Variants in USP12 observed in about 807,000 individuals in gnomAD.
The protein encoded by USP12 is ubiquitin specific peptidase 12.
Under a neutral mutation model 45.5 loss-of-function variants are expected in USP12, and 19 were observed. The ratio of observed to expected loss-of-function variants is 0.42; its 90% confidence interval spans 0.29 to 0.61. USP12 has a LOEUF of 0.61. Among genes scored for constraint, USP12 ranks in the 20% least tolerant of loss-of-function variants. The probability of loss-of-function intolerance (pLI) is 0.22; values close to 1 mark genes in which losing one functional copy is unlikely to be tolerated. For missense variants in USP12, 242 were observed against 447.7 expected (o/e 0.54, Z 4.15); for synonymous variants, 149 against 148.8 (o/e 1.00, Z -0.01).
chr13:27,126,825 G>A (rs938273590), intron 1 of USP12, among the ~76,000 whole-genome samples: 2 of 152,094 alleles, frequency 1.3e-5, no homozygotes, highest in African/African-American at 4.8e-5. Context: ...CTGCAAAAAA[G>A]GGCAAACAAG....
intron 1 of USP12, among the ~76,000 whole-genome samples, chr13:27,162,175 G>A (rs971586339): frequency 1.3e-5 from 2 of 152,248 alleles, no homozygotes; most frequent in South Asian, 2.1e-4. Context: ...TACAAAGGAC[G>A]TTCACATGTG....
intron 1 of USP12, among the ~76,000 whole-genome samples, chr13:27,123,745 T>C (rs1284223556): frequency 6.6e-6 from 1 of 152,214 alleles, no homozygotes; most frequent in East Asian, 1.9e-4. Context: ...CACTATGATT[T>C]TGAGGCCTCC....
Position 27,091,799 on chromosome 13 carries a change from T to G in USP12, c.574-1641A>C, listed in dbSNP as rs551959597. 1.6e-4 allele frequency among the ~76,000 whole-genome samples: 24 copies of G among 152,284 alleles called. 1 individual carries two copies. The South Asian group carries it at 4.4e-3, about 28-fold the overall frequency. The stretch of plus-strand genomic sequence containing the variant: ...GAATGAGACTGAAAAGGAACCCTCA[T>G]AGAGAACACCAGAAAAGGGTGTTAT... On this transcript the variant is annotated intron_variant, in intron 4 of 8. Coordinates refer to ENST00000282344, the MANE Select transcript of USP12 (RefSeq NM_182488.4).
chr13:27,086,179 A>C (rs1319901339), intron 6 of USP12, among the ~76,000 whole-genome samples: 2 of 28,966 alleles, frequency 6.9e-5, no homozygotes, highest in African/African-American at 2.6e-4. Context: ...CTCTTTAAAA[A>C]AAAAAAAAAA....
At chr13:27,072,068 T>C (rs1326257000) in intron 7 of USP12, among the ~76,000 whole-genome samples, 3 of 152,220 alleles carry the variant, frequency 2.0e-5, no homozygotes, top group South Asian at 4.1e-4. Flanking sequence ...GTAGGTGAGA[T>C]AAATATCTTT....
chr13:27,090,736 GCA>G lies in USP12; in HGVS notation c.574-580_574-579del, dbSNP rs2137771320. On this transcript the variant is annotated intron_variant, in intron 4 of 8. Coordinates refer to ENST00000282344, the MANE Select transcript of USP12 (RefSeq NM_182488.4). ...TAAATCTTCCTAGCTATTTCCTTCA[GCA>G]AGTCCATCCTGAAGGTACGTGTGCA... Among the ~76,000 whole-genome samples, 2 of 152,240 alleles carry G rather than the reference GCA, an allele frequency of 1.3e-5. 1 individual carries two copies. Among genetic ancestry groups the G allele is most frequent in the South Asian group, 4.2e-4 (2 of 4,816 alleles).
intron 1 of USP12, among the ~76,000 whole-genome samples, chr13:27,140,375 C>T (rs1877001916): frequency 6.6e-6 from 1 of 152,092 alleles, no homozygotes; most frequent in Non-Finnish European, 1.5e-5. Context: ...CAATTCAGCA[C>T]AGTTATGAAA....
At chr13:27,149,488 C>G (rs1877468320) in intron 1 of USP12, among the ~76,000 whole-genome samples, 2 of 152,096 alleles carry the variant, frequency 1.3e-5, no homozygotes. Flanking sequence ...CCTAAAGAAT[C>G]CACTAAAAAA....
intron 1 of USP12, among the ~76,000 whole-genome samples, chr13:27,159,899 A>G (rs1878026307): frequency 2.0e-5 from 3 of 152,226 alleles, no homozygotes. Flanking sequence ...AGTTTCAGAG[A>G]TGAAAAGGAA....
chr13:27,114,393 ACTAT>A (rs919490088), intron 2 of USP12, among the ~76,000 whole-genome samples: 2 of 152,232 alleles, frequency 1.3e-5, no homozygotes, highest in African/African-American at 4.8e-5. Context: ...AATTTTGCTG[ACTAT>A]CTAACAGCTG....
chr13:27,086,197 A>AAAAAATATATAT (rs1555233235), intron 6 of USP12, among the ~76,000 whole-genome samples: 20 of 56,926 alleles, frequency 3.5e-4, no homozygotes, highest in African/African-American at 1.4e-3. Context: ...AAAAAAAAAA[A>AAAAAATATATAT]ATATATATAT....
intron 6 of USP12, among the ~76,000 whole-genome samples, chr13:27,083,526 C>T (rs879325472): frequency 3.3e-5 from 5 of 152,124 alleles, no homozygotes; most frequent in African/African-American, 4.8e-5. Flanking sequence ...TTCCCCAGGG[C>T]GATCACTCTC....
chr13:27,069,429 C>T (rs762539602), intron 8 of USP12, 45 bp from the exon 9 acceptor site: 16 of 1,384,956 alleles, frequency 1.2e-5, no homozygotes. Flanking sequence ...GAGCTCTGTA[C>T]AGCCAGAATG....
At position 27,169,853 on chromosome 13, in the gene USP12, T is replaced by C. The variant is rs552546785; in HGVS notation, c.48+1739A>G. On this transcript the variant is annotated intron_variant, in intron 1 of 8. Transcript: ENST00000282344. ...CATCCCCAGTACTCAGCGTCGCCTC[T>C]AGCACTTAGTGGCTGCTAAGTGTAT... Among the ~76,000 whole-genome samples, 3 of 151,788 alleles carry C rather than the reference T, an allele frequency of 2.0e-5. No homozygotes were observed. In the Admixed American group the frequency reaches 2.0e-4, roughly 10 times the overall value.
chr13:27,149,254 G>A (rs182373278), intron 1 of USP12, among the ~76,000 whole-genome samples: 3 of 152,216 alleles, frequency 2.0e-5, no homozygotes, highest in East Asian at 1.9e-4. Flanking sequence ...CTGACAAAAC[G>A]CATCTATAAA....
At chr13:27,142,530 G>A (rs73499323) in intron 1 of USP12, among the ~76,000 whole-genome samples, 3,155 of 152,204 alleles carry the variant, frequency 0.021, 41 homozygotes, top group Middle Eastern at 0.038. Flanking sequence ...AAGTTTTTAC[G>A]AATGTACACA....
intron 1 of USP12, among the ~76,000 whole-genome samples, chr13:27,163,488 TC>T (rs1293565061): frequency 6.6e-6 from 1 of 152,190 alleles, no homozygotes; most frequent in Admixed American, 6.5e-5. Flanking sequence ...AACCACCTTC[TC>T]TTTCACATAT....
intron 6 of USP12, chr13:27,089,657 ATAAT>A: frequency 2.1e-6 from 1 of 467,830 alleles, no homozygotes; most frequent in East Asian, 3.5e-5. Context: ...TGATGATTAA[ATAAT>A]CGCTAGACAT....
intron 1 of USP12, among the ~76,000 whole-genome samples, chr13:27,169,789 T>C (rs1249828425): frequency 6.6e-6 from 1 of 152,186 alleles, no homozygotes; most frequent in African/African-American, 2.4e-5. Flanking sequence ...AGCAAGAATG[T>C]AAACACCAAG....
Sources: allele counts gnomAD v4.1 joint callset (sites outside exome capture counted in the v4.1 genomes callset), GRCh38; gene constraint gnomAD v4.1.1; transcripts MANE v1.5; gene names NCBI Gene and HGNC (gene_info 2026-07-23, HGNC 2026-07-21).